RNF125: variants seen among roughly 807,000 people sequenced by gnomAD.
RNF125 encodes ring finger protein 125.
Under a neutral mutation model 26.0 loss-of-function variants are expected in RNF125, and 21 were observed. The observed-to-expected ratio is 0.81, with a 90% CI of 0.57 to 1.16. The LOEUF is 1.16. Among genes scored for constraint, RNF125 ranks in the 50% most tolerant of loss-of-function variants. The pLI is 0.00. For synonymous variants in RNF125, 95 were observed against 109.2 expected (o/e 0.87, Z 0.81); for missense variants, 270 against 299.4 (o/e 0.90, Z 0.72).
intron 2 of RNF125, among the ~76,000 whole-genome samples, chr18:32,039,714 C>G (rs956443091): frequency 6.6e-6 from 1 of 151,732 alleles, no homozygotes; most frequent in African/African-American, 2.4e-5. Flanking sequence ...TGTGGAAATC[C>G]ACCACTCCCC....
intron 4 of RNF125, among the ~76,000 whole-genome samples, chr18:32,051,696 T>TTC (rs1222740424): frequency 2.0e-4 from 28 of 139,192 alleles, no homozygotes; most frequent in African/African-American, 7.5e-4. Flanking sequence ...TTTTCTTTCT[T>TTC]TTTTTTTTTT....
intron 4 of RNF125, among the ~76,000 whole-genome samples, chr18:32,064,504 C>T (rs531444659): frequency 1.3e-5 from 2 of 148,324 alleles, no homozygotes; most frequent in South Asian, 4.3e-4. Context: ...TGTCTCCACA[C>T]CCAGGGATTA....
At chr18:32,039,875 G>A (rs373563616) in intron 2 of RNF125, among the ~76,000 whole-genome samples, 6 of 149,078 alleles carry the variant, frequency 4.0e-5, no homozygotes, top group African/African-American at 1.5e-4. Context: ...CACTTTGCAC[G>A]TTCAAGAGAT....
At chr18:32,020,141 A>G (rs974698580) in intron 1 of RNF125, among the ~76,000 whole-genome samples, 10 of 151,774 alleles carry the variant, frequency 6.6e-5, no homozygotes, top group Admixed American at 6.6e-4. Context: ...TCCGCCTCCC[A>G]GGCTCAAGTG....
rs1303437322 is a variant in RNF125, at chr18:32,018,868, G to A, written c.5G>A (p.Gly2Asp). ...GTCTGGGCGAGAGGCACAGCGATGG[G>A]CTCCGTGCTGAGCACCGACAGCGGC... M[G>D]SVLSTDSGKS... is the part of the protein sequence containing the mutation. Residue 2 changes from glycine to aspartate, a missense_variant, in exon 1 of 6, where the codon GGC becomes GAC. Gly to Asp is a moderately conservative substitution (Grantham distance 94). Transcript: ENST00000217740. 3 of 1,579,480 alleles carry A rather than the reference G, an allele frequency of 1.9e-6. No individual in the cohort carries two copies. The highest frequency in any genetic ancestry group is 2.3e-5 in the East Asian group (1 of 43,028).
chr18:32,061,245 C>T (rs139364865), intron 4 of RNF125, among the ~76,000 whole-genome samples: 202 of 151,916 alleles, frequency 1.3e-3, no homozygotes, highest in African/African-American at 4.2e-3. Context: ...AGGATGGTGT[C>T]GATCTCCTGA....
chr18:32,042,680 G>GT, intron 3 of RNF125, among the ~76,000 whole-genome samples: 1 of 151,468 alleles, frequency 6.6e-6, no homozygotes, highest in African/African-American at 2.4e-5. Context: ...CATTTTGCTT[G>GT]TTTCTCTTTA....
At chr18:32,084,083 C>T in the RNF125 span, among the ~76,000 whole-genome samples, 5 of 152,112 alleles carry the variant, frequency 3.3e-5, no homozygotes, top group South Asian at 4.1e-4. Flanking sequence ...TGACCAGGTG[C>T]GGTGGCTTAC....
intron 5 of RNF125, among the ~76,000 whole-genome samples, chr18:32,067,693 G>T (rs1393245922): frequency 6.6e-6 from 1 of 152,154 alleles, no homozygotes; most frequent in Non-Finnish European, 1.5e-5. Context: ...TTTGGATTTT[G>T]TGGGGGTTTT....
the RNF125 span, among the ~76,000 whole-genome samples, chr18:32,078,950 A>G: frequency 6.6e-6 from 1 of 152,222 alleles, no homozygotes; most frequent in Non-Finnish European, 1.5e-5. Context: ...AGAGTCAGTC[A>G]CACCATCTTT....
At chr18:32,044,234 T>A (rs1481209657) in intron 3 of RNF125, among the ~76,000 whole-genome samples, 1 of 152,160 alleles carries the variant, frequency 6.6e-6, no homozygotes, top group Non-Finnish European at 1.5e-5. Flanking sequence ...CTTGAACTCC[T>A]GACCTCGTGA....
intron 4 of RNF125, among the ~76,000 whole-genome samples, chr18:32,059,325 G>T (rs186261442): frequency 6.6e-6 from 1 of 152,202 alleles, no homozygotes; most frequent in Non-Finnish European, 1.5e-5. Context: ...TACCTGCGGT[G>T]AGATGATATC....
intron 3 of RNF125, among the ~76,000 whole-genome samples, chr18:32,043,188 T>C (rs2039237167): frequency 1.3e-5 from 2 of 152,038 alleles, no homozygotes; most frequent in African/African-American, 4.8e-5. Context: ...ATTCTCCTGA[T>C]GAGAAAGGTA....
chr18:32,066,972 G>A (rs2039490542), intron 5 of RNF125, among the ~76,000 whole-genome samples: 1 of 152,170 alleles, frequency 6.6e-6, no homozygotes, highest in African/African-American at 2.4e-5. Context: ...GTTTCTCTTG[G>A]CCGGGCGTGG....
intron 4 of RNF125, among the ~76,000 whole-genome samples, chr18:32,062,797 A>G (rs966063518): frequency 6.6e-6 from 1 of 152,138 alleles, no homozygotes; most frequent in African/African-American, 2.4e-5. Flanking sequence ...AATTGGGCTC[A>G]TCAACAAAAT....
intron 4 of RNF125, among the ~76,000 whole-genome samples, chr18:32,052,591 T>G (rs937334304): frequency 6.6e-6 from 1 of 152,130 alleles, no homozygotes; most frequent in Non-Finnish European, 1.5e-5. Flanking sequence ...TTTTTCTTCT[T>G]TGGGTATTGG....
the RNF125 span, among the ~76,000 whole-genome samples, chr18:32,085,373 C>G: frequency 3.1e-5 from 4 of 128,724 alleles, no homozygotes; most frequent in African/African-American, 6.2e-5. Flanking sequence ...CTGCCAGAAG[C>G]AGAGAGAGAG....
intron 1 of RNF125, among the ~76,000 whole-genome samples, chr18:32,032,808 G>A (rs1223698405): frequency 6.6e-6 from 1 of 151,972 alleles, no homozygotes; most frequent in Non-Finnish European, 1.5e-5. Flanking sequence ...GCAGTGAGCC[G>A]AGATTGCGCC....
intron 4 of RNF125, among the ~76,000 whole-genome samples, chr18:32,049,376 A>AT (rs2039302697): frequency 1.3e-5 from 2 of 152,222 alleles, no homozygotes; most frequent in African/African-American, 4.8e-5. Context: ...TGGTGATGAC[A>AT]TTCATGCCTT....
Sources: allele counts gnomAD v4.1 joint callset (sites outside exome capture counted in the v4.1 genomes callset), GRCh38; gene constraint gnomAD v4.1.1; transcripts MANE v1.5; gene names NCBI Gene and HGNC (gene_info 2026-07-23, HGNC 2026-07-21).